ORC6: variants seen among roughly 807,000 people sequenced by gnomAD.
The protein encoded by ORC6 is origin recognition complex subunit 6.
A neutral mutation model predicts 30.0 loss-of-function variants in ORC6; 31 were observed. The observed-to-expected ratio is 1.03, with a 90% CI of 0.78 to 1.40. The LOEUF is 1.40. Among genes scored for constraint, ORC6 ranks in the 40% most tolerant of loss-of-function variants. ORC6 has a pLI of 0.00. For synonymous variants in ORC6, 136 were observed against 111.2 expected, an observed-to-expected ratio of 1.22 and a Z score of -1.40; for missense variants, 340 against 304.3, an observed-to-expected ratio of 1.12 and a Z score of -0.87.
intron 2 of ORC6, among the ~76,000 whole-genome samples, chr16:46,691,511 A>G (rs1966436771): frequency 2.6e-5 from 4 of 152,226 alleles, no homozygotes; most frequent in Non-Finnish European, 4.4e-5. Flanking sequence ...TACCTCTGTT[A>G]GCCTCCAGTG....
At position 46,698,167 on chromosome 16, in the gene ORC6, A is replaced by C. The variant is rs570114406; in HGVS notation, c.*582A>C. ...GGGTGACAGAGCGAGACTTATAGATAGATAGATAGATAGATGGATAGATAG... is the reference window on the plus strand; with the variant it reads ...GGGTGACAGAGCGAGACTTATAGATCGATAGATAGATAGATGGATAGATAG... On this transcript the variant is annotated 3_prime_UTR_variant, in exon 7 of 7. Transcript: ENST00000219097. The C allele has an allele frequency of 1.5e-4, 60 of 402,390 alleles. No individual in the cohort carries two copies. Among genetic ancestry groups the C allele is most frequent in the Middle Eastern group, 7.6e-4 (1 of 1,316 alleles). The allele number at this position is 402,390 out of a possible 1,614,324, so 24.9% of individuals were successfully genotyped here.
chr16:46,697,558 C>A lies in ORC6; in HGVS notation c.732C>A (p.Ala244=). ...EWKRKILENA[A]SAQKATAE is the part of the protein sequence containing the mutation. ...AAAGAAAAATTTTGGAAAATGCTGC[C>A]AGTGCTCAAAAGGCTACAGCAGAGT... is the stretch of plus-strand genomic sequence containing the variant. The change falls in exon 7 of 7, where the codon GCC becomes GCA. Residue 244 remains alanine (A), a synonymous_variant. Coordinates refer to ENST00000219097, the MANE Select transcript of ORC6 (RefSeq NM_014321.4). 6.2e-7 allele frequency: 1 copy of A among 1,614,030 alleles called. No individual in the cohort carries two copies. Among genetic ancestry groups the A allele is most frequent in the Non-Finnish European group, 8.5e-7 (1 of 1,179,912 alleles).
At chr16:46,692,333 A>G in intron 2 of ORC6, 49 bp from the exon 3 acceptor site, 1 of 1,491,086 alleles carries the variant, frequency 6.7e-7, no homozygotes, top group Non-Finnish European at 9.3e-7. Flanking sequence ...GTACTAATAT[A>G]TAGAACTTAA....
intron 4 of ORC6, 72 bp downstream of exon 4, chr16:46,693,254 C>T: frequency 1.1e-6 from 1 of 898,652 alleles, no homozygotes; most frequent in Non-Finnish European, 1.9e-6. Flanking sequence ...AGGAATACTT[C>T]TAACTTAGTT....
At position 46,697,643 on chromosome 16, in the gene ORC6, A is replaced by T. The variant is rs1596737775; in HGVS notation, c.*58A>T. 6.4e-7 allele frequency: 1 copy of T among 1,550,402 alleles called. No homozygotes were observed. The highest frequency in any genetic ancestry group is 8.9e-7 in the Non-Finnish European group (1 of 1,122,108). On this transcript the variant is annotated 3_prime_UTR_variant, in exon 7 of 7. Coordinates refer to ENST00000219097, the MANE Select transcript of ORC6 (RefSeq NM_014321.4). ...TGATAGTACATTGCCATCTCCAGGA[A>T]GACTTGACGGCTTTGGGATTTTGTT... is the stretch of plus-strand genomic sequence containing the variant.
intron 2 of ORC6, among the ~76,000 whole-genome samples, 163 bp downstream of exon 2, chr16:46,691,283 TA>T (rs1259425208): frequency 6.6e-6 from 1 of 152,212 alleles, no homozygotes; most frequent in African/African-American, 2.4e-5. Context: ...CATTGGAAAA[TA>T]TTTTTTTGCC....
chr16:46,690,151 C>T (rs1234511115), intron 1 of ORC6, among the ~76,000 whole-genome samples: 2 of 152,228 alleles, frequency 1.3e-5, no homozygotes, highest in African/African-American at 2.4e-5. Context: ...CTTAACCGGG[C>T]AATGCTCCTG....
In ORC6 at chr16:46,696,725, G is replaced by A. The variant is rs939354145; in HGVS notation, c.631+640G>A. On this transcript the variant is annotated intron_variant, in intron 6 of 6. Coordinates refer to ENST00000219097, the MANE Select transcript of ORC6 (RefSeq NM_014321.4). ...TGCTAGAGTGCAGTGGCACGGTCTC[G>A]GCTCACTGCAGCCTCCGCCTCCTGA... Among the ~76,000 whole-genome samples the A allele has an allele frequency of 2.6e-5, 4 of 152,022 alleles. No individual in the cohort carries two copies. In the East Asian group the frequency reaches 5.8e-4, roughly 22 times the overall value.
At chr16:46,692,748 A>G (rs1468312895) in intron 3 of ORC6, among the ~76,000 whole-genome samples, 3 of 152,144 alleles carry the variant, frequency 2.0e-5, no homozygotes, top group Non-Finnish European at 4.4e-5. Context: ...TGCACCTGTA[A>G]TCCCAGCTAC....
intron 1 of ORC6, 186 bp downstream of exon 1, chr16:46,689,956 A>C: frequency 1.3e-6 from 1 of 775,508 alleles, no homozygotes; most frequent in Non-Finnish European, 1.9e-6. Context: ...GATGGCAAGA[A>C]GGGCGATAGC....
intron 2 of ORC6, 69 bp from the exon 3 acceptor site, chr16:46,692,313 G>A: frequency 2.4e-6 from 3 of 1,260,882 alleles, no homozygotes; most frequent in East Asian, 2.3e-5. Context: ...TATTAAACAA[G>A]TGTTTAAGGG....
chr16:46,689,861 G>A (rs970000592), intron 1 of ORC6, 91 bp downstream of exon 1: 1 of 1,454,274 alleles, frequency 6.9e-7, no homozygotes, highest in Non-Finnish European at 9.0e-7. Flanking sequence ...GGCGACGGGC[G>A]GCGGGGGAGT....
At chr16:46,696,432 A>T (rs571720402) in intron 6 of ORC6, among the ~76,000 whole-genome samples, 25 of 152,132 alleles carry the variant, frequency 1.6e-4, no homozygotes, top group Admixed American at 6.5e-5. Context: ...TAGTTGTATA[A>T]CAAGTCAGCT....
At chr16:46,694,137 G>A (rs1966487258) in intron 4 of ORC6, 1 of 41,904 alleles carries the variant, frequency 2.4e-5, no homozygotes, top group Non-Finnish European at 4.9e-5. Flanking sequence ...TTAACCCTGA[G>A]TGGACACAGC....
At chr16:46,696,266 A>T in intron 6 of ORC6, 181 bp downstream of exon 6, 1 of 650,060 alleles carries the variant, frequency 1.5e-6, no homozygotes, top group Non-Finnish European at 2.8e-6. Context: ...GTAATTAAGA[A>T]TATGGCTGGT....
chr16:46,694,114 G>A (rs1966486984), intron 4 of ORC6: 1 of 38,782 alleles, frequency 2.6e-5, no homozygotes, highest in African/African-American at 9.5e-5. Flanking sequence ...ATCTTGCACC[G>A]CCCTTAATCC....
In ORC6 at chr16:46,698,058, T is replaced by A. The variant is rs1966540495; in HGVS notation, c.*473T>A. The stretch of plus-strand genomic sequence containing the variant: ...TGAACGTGGGAGGCAGAGGTTGCAG[T>A]GAGCCGAGATTGCACCACCGCACTC... On this transcript the variant is annotated 3_prime_UTR_variant, in exon 7 of 7. Transcript: ENST00000219097. The A allele has an allele frequency of 2.4e-6, 1 of 413,122 alleles. No homozygotes were observed. The highest frequency in any genetic ancestry group is 1.7e-5 in the South Asian group (1 of 57,518). 25.6% of individuals were successfully genotyped at this position (413,122 alleles called of 1,614,324 possible).
intron 4 of ORC6, chr16:46,693,828 T>TTTTTTA (rs767614465): frequency 3.3e-5 from 4 of 123,014 alleles, no homozygotes; most frequent in Admixed American, 8.5e-5. Flanking sequence ...TTTTTTTTTT[T>TTTTTTA]ACATTTTTTT....
chr16:46,697,578 C>G lies in ORC6; in HGVS notation c.752C>G (p.Ala251Gly). The change falls in exon 7 of 7, where the codon GCA (alanine) becomes GGA (glycine). Residue 251 changes from alanine (A) to glycine (G), a missense_variant. Coordinates refer to ENST00000219097, the MANE Select transcript of ORC6 (RefSeq NM_014321.4). ...GCTGCCAGTGCTCAAAAGGCTACAG[C>G]AGAGTGATTTCAGCTTCCAAACTGG... ...ENAASAQKAT[A>G]E 6.2e-7 allele frequency: 1 copy of G among 1,614,058 alleles called. No individual in the cohort carries two copies. The highest frequency in any genetic ancestry group is 8.5e-7 in the Non-Finnish European group (1 of 1,179,938).
Sources: allele counts gnomAD v4.1 joint callset (sites outside exome capture counted in the v4.1 genomes callset), GRCh38; gene constraint gnomAD v4.1.1; transcripts MANE v1.5; gene names NCBI Gene and HGNC (gene_info 2026-07-23, HGNC 2026-07-21).